Variants in ADAMTSL1 observed in about 807,000 individuals in gnomAD.
ADAMTSL1 encodes ADAMTS like 1, also known as ADAMTS-like protein 1.
A neutral mutation model predicts 201.8 loss-of-function variants in ADAMTSL1; 126 were observed. That is an observed-to-expected ratio of 0.62 (90% CI 0.54 to 0.72). ADAMTSL1 has a LOEUF of 0.72. ADAMTSL1 is among the 30% of genes least tolerant of loss of function. ADAMTSL1 has a pLI of 0.00. For missense variants in ADAMTSL1, 2,679 were observed against 2,277.8 expected (o/e 1.18, Z -3.59); for synonymous variants, 1,121 against 903.4 (o/e 1.24, Z -4.32).
At chr9:18,615,921 G>T (rs1675472118) in intron 4 of ADAMTSL1, among the ~76,000 whole-genome samples, 1 of 152,126 alleles carries the variant, frequency 6.6e-6, no homozygotes, top group Admixed American at 6.5e-5. Context: ...CTGCACATGT[G>T]CCAGAATTTT....
chr9:18,407,705 G>C (rs945940532), intron 2 of ADAMTSL1, among the ~76,000 whole-genome samples: 2 of 152,216 alleles, frequency 1.3e-5, no homozygotes, highest in African/African-American at 4.8e-5. Flanking sequence ...GAAGAGGTAA[G>C]AAGTGGAAGC....
chr9:18,427,420 G>C (rs1819275094), intron 2 of ADAMTSL1, among the ~76,000 whole-genome samples: 1 of 152,176 alleles, frequency 6.6e-6, no homozygotes, highest in South Asian at 2.1e-4. Context: ...ATAGAAGTGT[G>C]TTACTAAAAT....
intron 2 of ADAMTSL1, among the ~76,000 whole-genome samples, chr9:18,236,555 A>C (rs1201834159): frequency 6.6e-6 from 1 of 152,202 alleles, no homozygotes; most frequent in Non-Finnish European, 1.5e-5. Flanking sequence ...GATGATGGAA[A>C]ATGTGTGTTT....
intron 13 of ADAMTSL1, among the ~76,000 whole-genome samples, chr9:18,706,436 G>A (rs956297699): frequency 2.0e-5 from 3 of 152,184 alleles, no homozygotes; most frequent in African/African-American, 7.2e-5. Flanking sequence ...AGAGTGAGGA[G>A]AAGAAACCAC....
At chr9:18,890,739 C>G (rs1829201308) in intron 25 of ADAMTSL1, 1 of 349,240 alleles carries the variant, frequency 2.9e-6, no homozygotes, top group Non-Finnish European at 5.7e-6. Flanking sequence ...CACCCCAGCT[C>G]CTGAAAAATT....
At chr9:17,970,853 G>A (rs143182403) in intron 1 of ADAMTSL1, among the ~76,000 whole-genome samples, 54 of 152,078 alleles carry the variant, frequency 3.6e-4, no homozygotes, top group African/African-American at 1.3e-3. Context: ...GAAACTCCAT[G>A]CTTTTTGAAG....
chr9:18,142,700 C>G (rs1826453742), intron 1 of ADAMTSL1, among the ~76,000 whole-genome samples: 1 of 152,160 alleles, frequency 6.6e-6, no homozygotes, highest in Non-Finnish European at 1.5e-5. Context: ...TATGCTGGCT[C>G]TCTAAAAAGG....
intron 2 of ADAMTSL1, among the ~76,000 whole-genome samples, chr9:18,181,122 TA>T: frequency 6.6e-6 from 1 of 152,248 alleles, no homozygotes; most frequent in East Asian, 1.9e-4. Flanking sequence ...TTACACCTTA[TA>T]CAAAAATCAA....
intron 2 of ADAMTSL1, among the ~76,000 whole-genome samples, chr9:18,375,464 T>G (rs572402990): frequency 6.6e-6 from 1 of 152,362 alleles, no homozygotes; most frequent in East Asian, 1.9e-4. Flanking sequence ...TCATTTTTTT[T>G]GTCTGATTTG....
chr9:18,059,839 G>A (rs1333946480), intron 1 of ADAMTSL1, among the ~76,000 whole-genome samples: 1 of 151,796 alleles, frequency 6.6e-6, no homozygotes, highest in Non-Finnish European at 1.5e-5. Context: ...TTTTAAGGCT[G>A]TCTTATAAAT....
intron 2 of ADAMTSL1, among the ~76,000 whole-genome samples, chr9:18,325,281 C>G (rs1324397766): frequency 6.6e-6 from 1 of 152,324 alleles, no homozygotes; most frequent in South Asian, 2.1e-4. Flanking sequence ...CACAAAAAGA[C>G]ATGCACAAAG....
At chr9:18,203,160 C>T (rs550158139) in intron 2 of ADAMTSL1, among the ~76,000 whole-genome samples, 17 of 152,180 alleles carry the variant, frequency 1.1e-4, no homozygotes, top group African/African-American at 3.1e-4. Context: ...ACAAAGAGGA[C>T]AGTAAGCTCT....
At chr9:18,458,629 T>A (rs1158393860) in intron 2 of ADAMTSL1, among the ~76,000 whole-genome samples, 1 of 152,158 alleles carries the variant, frequency 6.6e-6, no homozygotes, top group African/African-American at 2.4e-5. Context: ...AGAGCATTCT[T>A]AGAGGAAAAA....
intron 2 of ADAMTSL1, among the ~76,000 whole-genome samples, chr9:18,270,801 G>A (rs1345839918): frequency 3.9e-5 from 6 of 152,094 alleles, no homozygotes; most frequent in African/African-American, 1.2e-4. Context: ...TGTCTAATTC[G>A]GCCATTAGCT....
At chr9:18,099,353 ATATTTTTT>A (rs1159102961) in intron 1 of ADAMTSL1, among the ~76,000 whole-genome samples, 75 of 45,852 alleles carry the variant, frequency 1.6e-3, no homozygotes, top group African/African-American at 2.3e-3. Flanking sequence ...ATATATATAT[ATATTTTTT>A]TTTTTTTTTT....
chr9:18,361,078 C>A (rs1037098231), intron 2 of ADAMTSL1, among the ~76,000 whole-genome samples: 2 of 152,032 alleles, frequency 1.3e-5, no homozygotes, highest in African/African-American at 4.8e-5. Context: ...TTATAAAATA[C>A]AAGATGGTAT....
At chr9:18,853,732 G>A (rs765637735) in intron 23 of ADAMTSL1, among the ~76,000 whole-genome samples, 7 of 152,190 alleles carry the variant, frequency 4.6e-5, no homozygotes, top group Non-Finnish European at 8.8e-5. Context: ...GCAAGATACG[G>A]GTTGGTTAGA....
chr9:18,176,384 A>T (rs1191374054), intron 2 of ADAMTSL1, among the ~76,000 whole-genome samples: 1 of 152,192 alleles, frequency 6.6e-6, no homozygotes, highest in Non-Finnish European at 1.5e-5. Flanking sequence ...TATTGATGCT[A>T]TAGTGATAAT....
At chr9:18,884,806 T>TAA (rs1312616763) in intron 23 of ADAMTSL1, among the ~76,000 whole-genome samples, 1 of 152,232 alleles carries the variant, frequency 6.6e-6, no homozygotes, top group African/African-American at 2.4e-5. Context: ...CACTTTGTAT[T>TAA]AAGTTTTGAA....
Sources: gnomAD v4.1 joint callset for allele counts (sites outside exome capture counted in the v4.1 genomes callset) on GRCh38, gnomAD v4.1.1 for gene constraint, MANE v1.5 for transcripts, NCBI Gene and HGNC (gene_info 2026-07-23, HGNC 2026-07-21) for gene names.